Variants in ZNF350 observed in about 807,000 individuals in gnomAD.
ZNF350 encodes the protein KRAB zinc finger protein ZFQR.
In ZNF350, 5 loss-of-function variants were observed where a neutral mutation model predicts 13.1. That is an observed-to-expected ratio of 0.38 (90% CI 0.20 to 0.80). ZNF350 has a LOEUF of 0.80. ZNF350 is among the 30% of genes least tolerant of loss of function. The pLI is 0.43. For missense variants in ZNF350, 534 were observed against 644.2 expected (o/e 0.83, Z 1.85); for synonymous variants, 199 against 224.2 (o/e 0.89, Z 1.00).
At chr19:51,968,285 G>A (rs1568478383) in intron 4 of ZNF350, among the ~76,000 whole-genome samples, 2 of 152,126 alleles carry the variant, frequency 1.3e-5, no homozygotes. Context: ...AACAAGAGAG[G>A]TGGAACAACA....
chr19:51,966,591 G>A (rs1400724381), intron 4 of ZNF350, among the ~76,000 whole-genome samples: 2 of 151,656 alleles, frequency 1.3e-5, no homozygotes, highest in African/African-American at 2.4e-5. Flanking sequence ...TCACTCTGTC[G>A]CCCAGGCTGG....
intron 1 of ZNF350, among the ~76,000 whole-genome samples, chr19:51,980,358 T>C (rs1422255537): frequency 1.3e-5 from 2 of 152,240 alleles, no homozygotes; most frequent in East Asian, 1.9e-4. Context: ...ACTGTGTCCA[T>C]AGAGCCTTAG....
chr19:51,965,619 G>A lies in ZNF350; in HGVS notation c.834C>T (p.Asn278=). ...GKAFLKKSRL[N]IHQKTHTGEK... ...CTCCGGTATGTGTTTTCTGATGTATGTTGAGCCGTGATTTCTTGAGAAAGG... is the reference window on the plus strand; with the variant it reads ...CTCCGGTATGTGTTTTCTGATGTATATTGAGCCGTGATTTCTTGAGAAAGG... Residue 278 remains asparagine, a synonymous_variant, in exon 5 of 5, where the codon AAC becomes AAT. Transcript: ENST00000243644. 2.5e-6 allele frequency: 4 copies of A among 1,614,190 alleles called. No homozygotes were observed. The highest frequency in any genetic ancestry group is 3.4e-6 in the Non-Finnish European group (4 of 1,180,036).
rs1450129190 is a variant in ZNF350, at chr19:51,976,909, A to T, written c.-171-2378T>A. On this transcript the variant is annotated intron_variant, in intron 1 of 4. Coordinates refer to ENST00000243644, the MANE Select transcript of ZNF350 (RefSeq NM_021632.4). This position sits in a 1 kb window ranked among gnomAD's most constrained non-coding sequence, Gnocchi z 4.5. ...TTTCTCCACTTGGAGTTTAGTTCGT[A>T]CTGTACTTCTGCCATTATCTCATTA... The T allele has an allele frequency of 1.3e-5, 2 of 152,172 alleles. No homozygotes were observed. Among genetic ancestry groups the T allele is most frequent in the African/African-American group, 4.8e-5 (2 of 41,430 alleles). The allele number at this position is 152,172 out of a possible 1,614,324, so 9.4% of individuals were successfully genotyped here.
intron 1 of ZNF350, among the ~76,000 whole-genome samples, chr19:51,986,257 AC>A (rs2086156100): frequency 6.6e-6 from 1 of 151,952 alleles, no homozygotes; most frequent in African/African-American, 2.4e-5. Context: ...TGCCCCAGTA[AC>A]CGAGGTTCGA....
In ZNF350 at chr19:51,964,997, G is replaced by A. The variant is rs747308653; in HGVS notation, c.1456C>T (p.Leu486Phe). The A allele has an allele frequency of 3.7e-6, 6 of 1,614,054 alleles. No individual in the cohort carries two copies. In the East Asian group the frequency reaches 1.1e-4, roughly 30 times the overall value. The change falls in exon 5 of 5, where the codon CTT (leucine) becomes TTT (phenylalanine). Residue 486 changes from leucine (L) to phenylalanine (F), a missense_variant. Leu to Phe is a conservative substitution (Grantham distance 22, BLOSUM62 0). Coordinates refer to ENST00000243644, the MANE Select transcript of ZNF350 (RefSeq NM_021632.4). ...CATCTGACCACTGGCTGTCCCACAA[G>A]GACTACGTTCCTGTTTGCGAGGAGG... ...SGLLANRNVVLVGQPVVRCAA... is the reference protein window; with the variant it reads ...SGLLANRNVVFVGQPVVRCAA...
At position 51,964,930 on chromosome 19, in the gene ZNF350, T is replaced by C. The variant is rs1211163591; in HGVS notation, c.1523A>G (p.Asn508Ser). 1 of 1,614,140 alleles carries C rather than the reference T, an allele frequency of 6.2e-7. No individual in the cohort carries two copies. Among genetic ancestry groups the C allele is most frequent in the Admixed American group, 1.7e-5 (1 of 60,024 alleles). The change falls in exon 5 of 5, where the codon AAC (asparagine) becomes AGC (serine). Residue 508 changes from asparagine (N) to serine (S), a missense_variant. Transcript: ENST00000243644. ...AACCACATTCACTGCATTCACAAGG[T>C]TTCTGTCCTGTGCAAATCCTCTGTT... ...GDNRGFAQDR[N>S]LVNAVNVVVP...
chr19:51,983,495 A>G (rs1387708552), intron 1 of ZNF350, among the ~76,000 whole-genome samples: 1 of 152,184 alleles, frequency 6.6e-6, no homozygotes, highest in African/African-American at 2.4e-5. Context: ...ATAAAACCCA[A>G]TCATACATTC....
At chr19:51,971,573 C>T (rs1384095600) in intron 2 of ZNF350, among the ~76,000 whole-genome samples, 2 of 152,180 alleles carry the variant, frequency 1.3e-5, no homozygotes, top group African/African-American at 2.4e-5. Context: ...GGCAATCACT[C>T]CCTGGTGCTG....
chr19:51,975,294 C>G (rs1263604119), intron 1 of ZNF350, among the ~76,000 whole-genome samples: 1 of 151,948 alleles, frequency 6.6e-6, no homozygotes, highest in African/African-American at 2.4e-5. Flanking sequence ...CATGGTGAAA[C>G]CCCATCTCTA....
At chr19:51,985,844 T>C (rs2086148644) in intron 1 of ZNF350, among the ~76,000 whole-genome samples, 1 of 152,024 alleles carries the variant, frequency 6.6e-6, no homozygotes, top group African/African-American at 2.4e-5. Context: ...CTGTCTCTAC[T>C]AAAAATACAA....
chr19:51,980,584 C>T (rs1223839725), intron 1 of ZNF350, among the ~76,000 whole-genome samples: 1 of 152,180 alleles, frequency 6.6e-6, no homozygotes, highest in Non-Finnish European at 1.5e-5. Flanking sequence ...AGAACAGGTA[C>T]AAAGCTTGCA....
chr19:51,967,598 T>C (rs1298227053), intron 4 of ZNF350, among the ~76,000 whole-genome samples: 2 of 152,154 alleles, frequency 1.3e-5, no homozygotes, highest in African/African-American at 4.8e-5. Context: ...CATGGTTTAC[T>C]GGGACTTGGT....
rs1229342794 is a variant in ZNF350, at chr19:51,976,750, C to G, written c.-171-2219G>C. ...TTAATTCGCAGACACTAACCTCCTG[C>G]AGAAGCCACAAAAGGTTATTACACA... On this transcript the variant is annotated intron_variant, in intron 1 of 4. Transcript: ENST00000243644. This position sits in a 1 kb window ranked among gnomAD's most constrained non-coding sequence, Gnocchi z 4.5. 1 of 152,192 alleles carries G rather than the reference C, an allele frequency of 6.6e-6. No homozygotes were observed. Among genetic ancestry groups the G allele is most frequent in the Non-Finnish European group, 1.5e-5 (1 of 68,038 alleles). 9.4% of individuals were successfully genotyped at this position (152,192 alleles called of 1,614,324 possible). A position where few individuals can be genotyped will look rare whatever the true frequency, so the allele number is the denominator to read the frequency against.
Position 51,974,255 on chromosome 19 carries a change from A to G in ZNF350, c.15+91T>C, listed in dbSNP as rs1278116474. ...CCAGATCCTGCTTTTTGAAATTTAT[A>G]CTTTTTATATTAGTGAAATTGATGT... On this transcript the variant is annotated intron_variant, in intron 2 of 4. Coordinates refer to ENST00000243644, the MANE Select transcript of ZNF350 (RefSeq NM_021632.4). The G allele has an allele frequency of 2.8e-6, 4 of 1,428,064 alleles. No homozygotes were observed. The East Asian group carries it at 9.2e-5, about 33-fold the overall frequency. The allele number at this position is 1,428,064 out of a possible 1,614,324, so 88.5% of individuals were successfully genotyped here.
At chr19:51,984,787 A>G (rs1209188247) in intron 1 of ZNF350, among the ~76,000 whole-genome samples, 2 of 152,220 alleles carry the variant, frequency 1.3e-5, no homozygotes, top group Non-Finnish European at 2.9e-5. Context: ...GCAAGAGACC[A>G]TATGTAGCCT....
At chr19:51,983,307 C>A (rs2086096160) in intron 1 of ZNF350, among the ~76,000 whole-genome samples, 2 of 152,314 alleles carry the variant, frequency 1.3e-5, no homozygotes, top group Middle Eastern at 3.4e-3. Flanking sequence ...GGTTTCCTCC[C>A]ACTGATACAG....
chr19:51,968,524 TCTGA>T (rs1164858523), intron 4 of ZNF350, 50 bp downstream of exon 4: 11 of 1,522,548 alleles, frequency 7.2e-6, no homozygotes, highest in African/African-American at 1.4e-5. Context: ...TGCTGCCTTC[TCTGA>T]CTGTCTAGAA....
chr19:51,978,418 G>A (rs1176243990), intron 1 of ZNF350, among the ~76,000 whole-genome samples: 1 of 152,214 alleles, frequency 6.6e-6, no homozygotes, highest in African/African-American at 2.4e-5. Flanking sequence ...CTCCGATTAT[G>A]AAGGAGAAAT....
Sources: allele counts gnomAD v4.1 joint callset (sites outside exome capture counted in the v4.1 genomes callset), GRCh38; gene constraint gnomAD v4.1.1; non-coding constraint Gnocchi (gnomAD v3.1); transcripts MANE v1.5; gene names NCBI Gene and HGNC (gene_info 2026-07-23, HGNC 2026-07-21).